Variants in AGXT2 observed in about 807,000 individuals in gnomAD.
AGXT2 encodes the protein alanine--glyoxylate aminotransferase 2, also known as alanine--glyoxylate aminotransferase 2, mitochondrial.
In AGXT2, 61 loss-of-function variants were observed where a neutral mutation model predicts 62.5. The ratio of observed to expected loss-of-function variants is 0.98; its 90% CI spans 0.79 to 1.21. The LOEUF (loss-of-function observed/expected upper bound fraction) is 1.21, where lower values mean the gene tolerates loss of function less well. AGXT2 is among the 50% of genes most tolerant of loss of function. The pLI is 0.00. For synonymous variants in AGXT2, 243 were observed against 218.7 expected (o/e 1.11, Z -0.98); for missense variants, 666 against 641.5 (o/e 1.04, Z -0.41).
At chr5:35,015,408 T>G (rs1766814760) in intron 9 of AGXT2, among the ~76,000 whole-genome samples, 2 of 152,174 alleles carry the variant, frequency 1.3e-5, no homozygotes, top group Non-Finnish European at 2.9e-5. Context: ...GCCAGAGCCT[T>G]TCTGGTGAAG....
chr5:35,046,857 G>A (rs980754978), intron 1 of AGXT2, among the ~76,000 whole-genome samples: 12 of 152,172 alleles, frequency 7.9e-5, no homozygotes, highest in Non-Finnish European at 2.9e-5. Flanking sequence ...GTTTGCATGA[G>A]GGAATTTGCT....
chr5:35,037,569 T>C (rs926462247), intron 3 of AGXT2, among the ~76,000 whole-genome samples: 12 of 148,598 alleles, frequency 8.1e-5, no homozygotes, highest in African/African-American at 3.0e-4. Flanking sequence ...AGGGATGGGT[T>C]CTCACTGTGT....
chr5:35,001,749 AGTTTGGTT>A (rs1766235300), intron 13 of AGXT2, among the ~76,000 whole-genome samples: 2 of 152,178 alleles, frequency 1.3e-5, no homozygotes, highest in East Asian at 1.9e-4. Context: ...TTTCATGCAC[AGTTTGGTT>A]GTTTATCTCA....
intron 7 of AGXT2, among the ~76,000 whole-genome samples, chr5:35,031,636 G>C (rs1302076987): frequency 6.6e-6 from 1 of 152,160 alleles, no homozygotes; most frequent in South Asian, 2.1e-4. Flanking sequence ...CCTGTTAAGC[G>C]TAGGTAAAGA....
chr5:35,045,807 G>A (rs1452328226), intron 1 of AGXT2, among the ~76,000 whole-genome samples: 15 of 129,500 alleles, frequency 1.2e-4, no homozygotes, highest in South Asian at 1.0e-3. Context: ...TCACTCTGTC[G>A]CCCAGGCTGG....
chr5:35,033,729 A>G (rs1260724585), intron 5 of AGXT2, among the ~76,000 whole-genome samples, 176 bp from the exon 6 acceptor site: 2 of 54,042 alleles, frequency 3.7e-5, no homozygotes, highest in Admixed American at 2.4e-4. Context: ...GTCTTTTCTA[A>G]CTGTTGTTAG....
chr5:35,032,952 G>A (rs887361422), intron 6 of AGXT2, 127 bp from the exon 7 acceptor site: 17 of 779,220 alleles, frequency 2.2e-5, no homozygotes, highest in Non-Finnish European at 3.3e-5. Context: ...CCCCACTTAA[G>A]ATGAAAATTG....
chr5:35,043,477 G>C (rs1011463269), intron 1 of AGXT2, among the ~76,000 whole-genome samples: 4 of 152,100 alleles, frequency 2.6e-5, no homozygotes, highest in African/African-American at 9.7e-5. Context: ...AAAAATCAAA[G>C]AAAAGCTTTC....
At chr5:35,003,197 A>G (rs935679657) in intron 13 of AGXT2, among the ~76,000 whole-genome samples, 3 of 152,132 alleles carry the variant, frequency 2.0e-5, no homozygotes, top group Non-Finnish European at 4.4e-5. Flanking sequence ...CTAAGGGTGA[A>G]GGACACTGGC....
At chr5:35,037,100 C>A (rs375060007) in intron 3 of AGXT2, 35 bp from the exon 4 acceptor site, 42 of 1,612,608 alleles carry the variant, frequency 2.6e-5, no homozygotes, top group Non-Finnish European at 3.4e-5. Flanking sequence ...ACCTGCACTG[C>A]GTGCCACGTC....
intron 6 of AGXT2, 120 bp from the exon 7 acceptor site, chr5:35,032,945 C>A: frequency 1.3e-6 from 1 of 797,958 alleles, no homozygotes; most frequent in Admixed American, 2.0e-5. Context: ...ATTCTTCCCC[C>A]ACTTAAGATG....
intron 11 of AGXT2, among the ~76,000 whole-genome samples, chr5:35,012,232 T>A (rs866067454): frequency 3.3e-5 from 5 of 151,416 alleles, no homozygotes; most frequent in African/African-American, 1.2e-4. Flanking sequence ...GCTATTGAAA[T>A]AAATAAATAT....
intron 9 of AGXT2, among the ~76,000 whole-genome samples, chr5:35,023,188 A>G (rs935810471): frequency 4.0e-5 from 6 of 151,788 alleles, no homozygotes; most frequent in African/African-American, 1.4e-4. Flanking sequence ...AAAAAAGAAA[A>G]AAGAAAAAAG....
intron 7 of AGXT2, among the ~76,000 whole-genome samples, chr5:35,030,918 T>TCC (rs1275073488): frequency 6.6e-6 from 1 of 152,208 alleles, no homozygotes; most frequent in African/African-American, 2.4e-5. Flanking sequence ...ACAAAAGTTC[T>TCC]CCGTGCCTCA....
chr5:35,007,590 G>A (rs1766476435), intron 12 of AGXT2, among the ~76,000 whole-genome samples: 1 of 152,194 alleles, frequency 6.6e-6, no homozygotes, highest in South Asian at 2.1e-4. Flanking sequence ...GAGAGTAATT[G>A]CATTGAGGGG....
At chr5:35,002,627 C>T (rs1192264030) in intron 13 of AGXT2, among the ~76,000 whole-genome samples, 9 of 152,194 alleles carry the variant, frequency 5.9e-5, no homozygotes, top group Non-Finnish European at 2.9e-5. Flanking sequence ...GAGGTCACAG[C>T]AGAAAGATGG....
intron 1 of AGXT2, among the ~76,000 whole-genome samples, chr5:35,042,016 G>A (rs181898345): frequency 1.6e-4 from 25 of 152,162 alleles, no homozygotes; most frequent in Non-Finnish European, 2.4e-4. Flanking sequence ...CTCTGCATTC[G>A]TTGTGCTTCT....
intron 9 of AGXT2, among the ~76,000 whole-genome samples, chr5:35,019,699 G>A (rs1392100084): frequency 6.6e-6 from 1 of 152,144 alleles, no homozygotes; most frequent in African/African-American, 2.4e-5. Flanking sequence ...TCAAAAGCTA[G>A]AAGAAGGCAA....
chr5:35,031,563 CA>C (rs2112260433), intron 7 of AGXT2, among the ~76,000 whole-genome samples: 1 of 152,322 alleles, frequency 6.6e-6, no homozygotes, highest in East Asian at 1.9e-4. Context: ...GTTGTGATGA[CA>C]AATCAGAGGC....
Sources: allele counts gnomAD v4.1 joint callset (sites outside exome capture counted in the v4.1 genomes callset), GRCh38; gene constraint gnomAD v4.1.1; transcripts MANE v1.5; gene names NCBI Gene and HGNC (gene_info 2026-07-23, HGNC 2026-07-21).